DSCAML1: variants seen among roughly 807,000 people sequenced by gnomAD.
DSCAML1 encodes the protein DS cell adhesion molecule like 1.
A neutral mutation model predicts 200.5 loss-of-function variants in DSCAML1; 38 were observed. That is an observed-to-expected ratio of 0.19 (90% CI 0.15 to 0.25). DSCAML1 has a LOEUF of 0.25. Ranked by LOEUF, DSCAML1 falls within the 10% of genes least tolerant of loss-of-function variation. DSCAML1 has a pLI of 1.00. For synonymous variants in DSCAML1, 1,215 were observed against 1,165.0 expected, an observed-to-expected ratio of 1.04 and a Z score of -0.87; for missense variants, 2,223 against 2,858.8, an observed-to-expected ratio of 0.78 and a Z score of 5.07.
At chr11:117,539,606 CAAAAAAAAAA>C (rs35130897) in intron 3 of DSCAML1, among the ~76,000 whole-genome samples, 3 of 52,612 alleles carry the variant, frequency 5.7e-5, no homozygotes, top group African/African-American at 1.6e-4. Context: ...AAAACTCTGT[CAAAAAAAAAA>C]AAAAAAAAAA....
chr11:117,734,991 G>C (rs569740409), intron 3 of DSCAML1, among the ~76,000 whole-genome samples: 15 of 152,330 alleles, frequency 9.8e-5, no homozygotes, highest in African/African-American at 3.6e-4. Context: ...GGGACTTGGG[G>C]AGGGGGGCGT....
rs2055597362 is a variant in DSCAML1 at position 117,797,141 on chromosome 11, C to T, written c.-62G>A. 2 of 1,590,242 alleles carry T rather than the reference C, an allele frequency of 1.3e-6. No individual in the cohort carries two copies. The highest frequency in any genetic ancestry group is 1.4e-5 in the African/African-American group (1 of 72,418). ...TGTGGCCGGCCGTGCGGCAGCGCCT[C>T]TCCCCCGCTCAGCGCGCTCCCAGCC... On this transcript the variant is annotated 5_prime_UTR_variant, in exon 1 of 33. Transcript: ENST00000651296.
chr11:117,539,039 T>G (rs995319497), intron 3 of DSCAML1, among the ~76,000 whole-genome samples: 1 of 152,176 alleles, frequency 6.6e-6, no homozygotes, highest in African/African-American at 2.4e-5. Context: ...AATCCTCCAG[T>G]GCATTCCCAT....
upstream of DSCAML1, chr11:117,800,915 A>G (rs2055651156): frequency 6.6e-6 from 1 of 152,242 alleles, no homozygotes; most frequent in African/African-American, 2.4e-5. Context: ...TTCTTCAAAA[A>G]CAAAGGCATA....
In DSCAML1 at chr11:117,439,270, C is replaced by T; in HGVS notation, c.4140G>A (p.Val1380=). The change falls in exon 23 of 33, where the codon GTG becomes GTA. Residue 1380 remains valine (V), a synonymous_variant. Transcript: ENST00000651296. ...ACCTGCCTCACAGAGCCTCACCTTG[C>T]ACCAGAAGGTTGACGATGATGGTGT... ...GFDTIIVNLL[V]QVPPDQPRLT... is the part of the protein sequence containing the mutation. 6.2e-7 allele frequency: 1 copy of T among 1,613,970 alleles called. No individual in the cohort carries two copies. Among genetic ancestry groups the T allele is most frequent in the Non-Finnish European group, 8.5e-7 (1 of 1,179,904 alleles).
intron 3 of DSCAML1, among the ~76,000 whole-genome samples, chr11:117,553,904 A>G (rs2050512597): frequency 6.6e-6 from 1 of 152,280 alleles, no homozygotes; most frequent in African/African-American, 2.4e-5. Flanking sequence ...AGCAACTCAA[A>G]TGTCCACTGA....
chr11:117,705,138 T>C (rs548795218), intron 3 of DSCAML1, among the ~76,000 whole-genome samples: 17 of 152,136 alleles, frequency 1.1e-4, no homozygotes, highest in Non-Finnish European at 1.3e-4. Flanking sequence ...TGACTTGCAT[T>C]ATATGATTTT....
At chr11:117,440,001 C>T in intron 21 of DSCAML1, 65 bp from the exon 22 acceptor site, 1 of 1,379,618 alleles carries the variant, frequency 7.2e-7, no homozygotes. Flanking sequence ...GGCCTCCTTC[C>T]TTAGGGCCCC....
intron 3 of DSCAML1, among the ~76,000 whole-genome samples, chr11:117,724,119 T>C (rs781082766): frequency 1.3e-5 from 2 of 151,950 alleles, no homozygotes; most frequent in African/African-American, 2.4e-5. Context: ...ACAACATTTT[T>C]CCCCCTCCTG....
At chr11:117,570,789 T>G (rs1591278092) in intron 3 of DSCAML1, among the ~76,000 whole-genome samples, 1 of 152,336 alleles carries the variant, frequency 6.6e-6, no homozygotes, top group East Asian at 1.9e-4. Context: ...CTGAGGGTCA[T>G]GACCCTTCAC....
intron 5 of DSCAML1, among the ~76,000 whole-genome samples, chr11:117,523,618 C>T (rs889030951): frequency 3.3e-5 from 5 of 152,254 alleles, no homozygotes; most frequent in African/African-American, 1.2e-4. Flanking sequence ...ACTCTCTTGA[C>T]TGTGAGGAAG....
intron 3 of DSCAML1, among the ~76,000 whole-genome samples, chr11:117,598,563 C>T (rs960785737): frequency 6.6e-6 from 1 of 152,164 alleles, no homozygotes; most frequent in Non-Finnish European, 1.5e-5. Context: ...GGCCCCCATG[C>T]CCCACTGGGA....
At chr11:117,623,216 C>CT (rs56343852) in intron 3 of DSCAML1, among the ~76,000 whole-genome samples, 24,223 of 120,954 alleles carry the variant, frequency 0.2, 2,856 homozygotes, top group South Asian at 0.22. Flanking sequence ...CTTTTCTTTT[C>CT]TTTTTTTTTT....
chr11:117,531,114 T>C (rs1565769847), intron 4 of DSCAML1, among the ~76,000 whole-genome samples: 1 of 152,156 alleles, frequency 6.6e-6, no homozygotes, highest in Admixed American at 6.5e-5. Context: ...CTGGGCATTG[T>C]GGTCAAAGAG....
intron 1 of DSCAML1, among the ~76,000 whole-genome samples, chr11:117,810,097 A>G (rs1301556234): frequency 6.6e-6 from 1 of 152,126 alleles, no homozygotes; most frequent in East Asian, 1.9e-4. Context: ...ACATACACAC[A>G]TTCACATACA....
At chr11:117,508,108 C>T (rs1045282839) in intron 8 of DSCAML1, among the ~76,000 whole-genome samples, 9 of 152,148 alleles carry the variant, frequency 5.9e-5, no homozygotes, top group African/African-American at 1.7e-4. Flanking sequence ...CCAGATGTGC[C>T]GCCCAGTTTG....
intron 3 of DSCAML1, among the ~76,000 whole-genome samples, chr11:117,645,068 G>A (rs901134230): frequency 6.6e-6 from 1 of 152,250 alleles, no homozygotes; most frequent in Non-Finnish European, 1.5e-5. Flanking sequence ...TTCACCTGCA[G>A]GAACACGGCT....
rs144466004 is a variant in DSCAML1, at chr11:117,454,676, C to T, written c.3569-3988G>A. On this transcript the variant is annotated intron_variant, in intron 19 of 32. Coordinates refer to ENST00000651296, the MANE Select transcript of DSCAML1 (RefSeq NM_020693.4). ...ATTATTTTTTATTGTATGCCAGACACGGCATTTGCAAAATAGTTTGTAGAA... is the reference window on the plus strand; with the variant it reads ...ATTATTTTTTATTGTATGCCAGACATGGCATTTGCAAAATAGTTTGTAGAA... Among the ~76,000 whole-genome samples the T allele has an allele frequency of 3.3e-4, 50 of 152,308 alleles. No individual in the cohort carries two copies. The East Asian group carries it at 7.9e-3, about 24-fold the overall frequency.
At chr11:117,666,253 T>C (rs1164148779) in intron 3 of DSCAML1, among the ~76,000 whole-genome samples, 2 of 152,136 alleles carry the variant, frequency 1.3e-5, no homozygotes, top group Admixed American at 6.5e-5. Context: ...CATCTGTAAA[T>C]TGGGAGTGTT....
Sources: gnomAD v4.1 joint callset for allele counts (sites outside exome capture counted in the v4.1 genomes callset) on GRCh38, gnomAD v4.1.1 for gene constraint, MANE v1.5 for transcripts, NCBI Gene and HGNC (gene_info 2026-07-23, HGNC 2026-07-21) for gene names.